Variants in KIF26B observed in about 807,000 individuals in gnomAD.
The protein encoded by KIF26B is kinesin family member 26B.
KIF26B carries 63 observed loss-of-function variants against 151.2 expected under a neutral mutation model. The observed-to-expected ratio is 0.42, with a 90% CI of 0.34 to 0.51. The LOEUF is 0.51. Among genes scored for constraint, KIF26B ranks in the 20% least tolerant of loss-of-function variants. The pLI is 0.07. For synonymous variants in KIF26B, 1,357 were observed against 1,262.1 expected, an observed-to-expected ratio of 1.08 and a Z score of -1.59; for missense variants, 2,813 against 2,913.6, an observed-to-expected ratio of 0.97 and a Z score of 0.79.
intron 5 of KIF26B, among the ~76,000 whole-genome samples, chr1:245,565,766 A>G (rs1000331709): frequency 8.5e-5 from 13 of 152,338 alleles, no homozygotes; most frequent in Non-Finnish European, 1.6e-4. Context: ...AGATATTCAT[A>G]TGTTAGTCCA....
At chr1:245,252,257 C>G (rs925246927) in intron 2 of KIF26B, among the ~76,000 whole-genome samples, 2 of 128,000 alleles carry the variant, frequency 1.6e-5, no homozygotes, top group Admixed American at 1.8e-4. Flanking sequence ...GCCTGGGCAA[C>G]AGGAGTGAGA....
chr1:245,450,736 C>T (rs1304180516), intron 4 of KIF26B, among the ~76,000 whole-genome samples: 1 of 152,036 alleles, frequency 6.6e-6, no homozygotes, highest in African/African-American at 2.4e-5. Flanking sequence ...GGCACATCTT[C>T]GTAGGACATT....
chr1:245,365,012 T>G (rs1353181085), intron 2 of KIF26B, among the ~76,000 whole-genome samples: 2 of 152,250 alleles, frequency 1.3e-5, no homozygotes, highest in Non-Finnish European at 2.9e-5. Context: ...GATATGGCTC[T>G]TTGGCTTAAA....
At chr1:245,346,621 T>C (rs1672462278) in intron 2 of KIF26B, among the ~76,000 whole-genome samples, 1 of 152,128 alleles carries the variant, frequency 6.6e-6, no homozygotes, top group African/African-American at 2.4e-5. Flanking sequence ...AGGTCCTTAA[T>C]CTCCTCTTCT....
intron 3 of KIF26B, among the ~76,000 whole-genome samples, chr1:245,382,756 C>T (rs553484062): frequency 2.0e-5 from 3 of 151,924 alleles, no homozygotes; most frequent in South Asian, 2.1e-4. Context: ...TTAGTACAGA[C>T]GGGGTTTCTC....
intron 2 of KIF26B, among the ~76,000 whole-genome samples, chr1:245,177,220 G>C (rs1668823511): frequency 6.6e-6 from 1 of 152,138 alleles, no homozygotes; most frequent in Non-Finnish European, 1.5e-5. Flanking sequence ...CAAAGTGCTG[G>C]GATTATAGGT....
intron 3 of KIF26B, among the ~76,000 whole-genome samples, chr1:245,385,679 A>G (rs1432393190): frequency 6.6e-6 from 1 of 152,180 alleles, no homozygotes; most frequent in East Asian, 1.9e-4. Context: ...AGAGGGCAAA[A>G]CATGGACTTC....
chr1:245,620,453 G>A (rs2043645714), intron 9 of KIF26B, among the ~76,000 whole-genome samples: 1 of 151,990 alleles, frequency 6.6e-6, no homozygotes, highest in Non-Finnish European at 1.5e-5. Flanking sequence ...AGGCTGAAGT[G>A]CAGTGGCGCT....
At chr1:245,497,719 T>C (rs1660541360) in intron 4 of KIF26B, among the ~76,000 whole-genome samples, 1 of 152,226 alleles carries the variant, frequency 6.6e-6, no homozygotes, top group African/African-American at 2.4e-5. Context: ...CACACATTAT[T>C]ATACTATGTA....
chr1:245,162,111 T>G (rs1167424880), intron 2 of KIF26B, among the ~76,000 whole-genome samples: 1 of 152,234 alleles, frequency 6.6e-6, no homozygotes, highest in Non-Finnish European at 1.5e-5. Context: ...GCCATTTCAG[T>G]GCCCCATCGG....
At chr1:245,591,896 A>G (rs2043292351) in intron 5 of KIF26B, among the ~76,000 whole-genome samples, 2 of 152,222 alleles carry the variant, frequency 1.3e-5, no homozygotes, top group African/African-American at 2.4e-5. Flanking sequence ...TGGCCCCCCA[A>G]GCCTGCCGGC....
intron 2 of KIF26B, among the ~76,000 whole-genome samples, chr1:245,215,384 G>A (rs188131963): frequency 3.9e-5 from 6 of 152,190 alleles, no homozygotes; most frequent in Non-Finnish European, 5.9e-5. Flanking sequence ...TTCAGTTCCC[G>A]AGAAGGACAG....
intron 2 of KIF26B, among the ~76,000 whole-genome samples, chr1:245,192,415 A>G (rs1669126222): frequency 6.6e-6 from 1 of 152,036 alleles, no homozygotes; most frequent in Non-Finnish European, 1.5e-5. Context: ...GGTCTCCCCT[A>G]GTAAACTGTG....
intron 3 of KIF26B, among the ~76,000 whole-genome samples, chr1:245,409,735 C>T (rs2363697): frequency 0.13 from 20,334 of 151,994 alleles, 2,058 homozygotes; most frequent in African/African-American, 0.27. Flanking sequence ...GGGTGCTGGA[C>T]AGCACAGAGA....
chr1:245,616,631 A>C (rs2043593215), intron 9 of KIF26B, among the ~76,000 whole-genome samples: 2 of 152,214 alleles, frequency 1.3e-5, no homozygotes, highest in African/African-American at 4.8e-5. Flanking sequence ...AATTTTGTGC[A>C]TGAAACAAAG....
At position 245,702,799 on chromosome 1, in the gene KIF26B, C is replaced by A; in HGVS notation, c.*193C>A. 1.8e-6 allele frequency: 1 copy of A among 556,068 alleles called. No individual in the cohort carries two copies. Among genetic ancestry groups the A allele is most frequent in the Non-Finnish European group, 3.0e-6 (1 of 335,864 alleles). The allele number at this position is 556,068 out of a possible 1,614,324, so 34.4% of individuals were successfully genotyped here. A position where few individuals can be genotyped will look rare whatever the true frequency, so the allele number is the denominator to read the frequency against. On this transcript the variant is annotated 3_prime_UTR_variant, in exon 15 of 15. Transcript: ENST00000407071. This position sits in a 1 kb window ranked among gnomAD's most constrained non-coding sequence, Gnocchi z 4.1. ...GTAGGAAAGGTGCAAACGTCAAACA[C>A]CGTGGAAGGAGAAAAGGATGGGAAG...
chr1:245,592,053 G>A (rs1382439944), intron 5 of KIF26B, among the ~76,000 whole-genome samples: 3 of 152,202 alleles, frequency 2.0e-5, no homozygotes, highest in Non-Finnish European at 4.4e-5. Flanking sequence ...GCTCCCCGAA[G>A]CGCTTCTTAG....
chr1:245,282,645 T>C (rs1196667301), intron 2 of KIF26B, among the ~76,000 whole-genome samples: 4 of 152,180 alleles, frequency 2.6e-5, no homozygotes, highest in African/African-American at 2.4e-5. Flanking sequence ...CCCTAAGCCC[T>C]ATGCAAATCA....
intron 2 of KIF26B, among the ~76,000 whole-genome samples, chr1:245,224,231 G>A (rs1669830772): frequency 1.3e-5 from 2 of 150,920 alleles, no homozygotes; most frequent in Admixed American, 1.3e-4. Context: ...GTTGCGGTGA[G>A]CCAAGATTGC....
Sources: allele counts gnomAD v4.1 joint callset (sites outside exome capture counted in the v4.1 genomes callset), GRCh38; gene constraint gnomAD v4.1.1; non-coding constraint Gnocchi (gnomAD v3.1); transcripts MANE v1.5; gene names NCBI Gene and HGNC (gene_info 2026-07-23, HGNC 2026-07-21).